Variants in NCOA2 observed in about 807,000 individuals in gnomAD.
NCOA2 encodes nuclear receptor coactivator 2, also known as class E basic helix-loop-helix protein 75.
In NCOA2, 21 loss-of-function variants were observed where a neutral mutation model predicts 145.1. The observed-to-expected ratio is 0.14, with a 90% CI of 0.10 to 0.21. The LOEUF (loss-of-function observed/expected upper bound fraction) is 0.21. Ranked by LOEUF, NCOA2 falls within the 10% of genes least tolerant of loss-of-function variation. NCOA2 has a pLI of 1.00. For synonymous variants in NCOA2, 619 were observed against 637.5 expected (o/e 0.97, Z 0.44); for missense variants, 1,472 against 1,837.6 (o/e 0.80, Z 3.64).
chr8:70,119,593 A>G (rs1293176815), intron 22 of NCOA2, among the ~76,000 whole-genome samples: 2 of 152,196 alleles, frequency 1.3e-5, no homozygotes, highest in Admixed American at 1.3e-4. Flanking sequence ...TGACTCCTGG[A>G]TCAAATGATA....
At chr8:70,251,499 T>G (rs1290289692) in intron 2 of NCOA2, among the ~76,000 whole-genome samples, 2 of 152,246 alleles carry the variant, frequency 1.3e-5, no homozygotes, top group Non-Finnish European at 2.9e-5. Context: ...TAGCACACTG[T>G]AAACCACTCT....
At chr8:70,357,264 C>T (rs1809786342) in intron 1 of NCOA2, 1 of 151,816 alleles carries the variant, frequency 6.6e-6, no homozygotes, top group Non-Finnish European at 1.5e-5. Context: ...TTCCATTTAC[C>T]ATAGCATCCA....
At chr8:70,128,099 C>T (rs991954013) in intron 18 of NCOA2, among the ~76,000 whole-genome samples, 1 of 152,198 alleles carries the variant, frequency 6.6e-6, no homozygotes, top group African/African-American at 2.4e-5. Context: ...TATGTGTTGA[C>T]TGGATGATGA....
At chr8:70,349,293 T>G (rs961411718) in intron 1 of NCOA2, among the ~76,000 whole-genome samples, 4 of 152,076 alleles carry the variant, frequency 2.6e-5, no homozygotes, top group African/African-American at 9.7e-5. Context: ...AAAAAAATTA[T>G]GAACAACTTT....
intron 2 of NCOA2, among the ~76,000 whole-genome samples, chr8:70,275,192 T>C (rs1586335395): frequency 6.6e-6 from 1 of 152,324 alleles, no homozygotes; most frequent in East Asian, 1.9e-4. Context: ...TTTATTTCTC[T>C]CATTTAGAGT....
In NCOA2 at chr8:70,213,924, T is replaced by C. The variant is rs1480288009; in HGVS notation, c.238A>G (p.Ile80Val). ...CAILKETVKQ[I>V]RQIKEQEKAA... ...TTACCTTGTTCTTTGATCTGACGAA[T>C]TTGCTTCACAGTTTCTTTTAAGATT... Residue 80 changes from isoleucine to valine, a missense_variant, in exon 4 of 23, where the codon ATT becomes GTT. Physicochemically the swap from Ile to Val is conservative, Grantham distance 29. Coordinates refer to ENST00000452400, the MANE Select transcript of NCOA2 (RefSeq NM_006540.4). The C allele has an allele frequency of 6.2e-7, 1 of 1,601,518 alleles. No homozygotes were observed. The highest frequency in any genetic ancestry group is 8.5e-7 in the Non-Finnish European group (1 of 1,173,920).
intron 2 of NCOA2, among the ~76,000 whole-genome samples, chr8:70,249,282 T>C (rs957771420): frequency 3.3e-5 from 5 of 152,180 alleles, no homozygotes; most frequent in African/African-American, 4.8e-5. Context: ...TTCTATATGA[T>C]ACACGGTCAA....
chr8:70,179,019 T>A (rs1274353884), intron 4 of NCOA2, among the ~76,000 whole-genome samples: 1 of 152,222 alleles, frequency 6.6e-6, no homozygotes, highest in African/African-American at 2.4e-5. Context: ...TATAGGTTAA[T>A]TGCAAGAGAA....
chr8:70,241,116 AAGG>A lies in NCOA2; in HGVS notation c.-19-24355_-19-24353del, dbSNP rs1822089588. Among the ~76,000 whole-genome samples, 3 of 152,268 alleles carry A rather than the reference AAGG, an allele frequency of 2.0e-5. No individual in the cohort carries two copies. In the South Asian group the frequency reaches 6.2e-4, roughly 32 times the overall value. The stretch of plus-strand genomic sequence containing the variant: ...TATGGAATCCCTGGTATCTGTAAAC[AAGG>A]ATCTTTATTTGGATTCTCTGTGGTT... On this transcript the variant is annotated intron_variant, in intron 2 of 22. Coordinates refer to ENST00000452400, the MANE Select transcript of NCOA2 (RefSeq NM_006540.4).
intron 5 of NCOA2, 52 bp downstream of exon 5, chr8:70,174,704 T>G: frequency 6.9e-7 from 1 of 1,443,708 alleles, no homozygotes; most frequent in Non-Finnish European, 9.7e-7. Flanking sequence ...AATGTAATAA[T>G]GTGAAGATCA....
Position 70,398,949 on chromosome 8 carries a change from CTT to C in NCOA2, c.-77+4749_-77+4750del, listed in dbSNP as rs1438633585. ...AGGATCTACCTACAGACCACCTAGTCTTTTAATTTCAGTTGCCTTCATAGTTT... is the reference window on the plus strand; with the variant it reads ...AGGATCTACCTACAGACCACCTAGTCTTAATTTCAGTTGCCTTCATAGTTT... On this transcript the variant is annotated intron_variant, in intron 1 of 22. Transcript: ENST00000452400. 2.6e-5 allele frequency among the ~76,000 whole-genome samples: 4 copies of C among 152,312 alleles called. No homozygotes were observed. The South Asian group carries it at 8.3e-4, about 32-fold the overall frequency.
In NCOA2 at chr8:70,214,140, T is replaced by G. The variant is rs895020266; in HGVS notation, c.87-65A>C. 3.4e-6 allele frequency: 5 copies of G among 1,467,254 alleles called. No individual in the cohort carries two copies. In the Admixed American group the frequency reaches 8.8e-5, roughly 26 times the overall value. 90.9% of individuals were successfully genotyped at this position (1,467,254 alleles called of 1,614,324 possible). A position where few individuals can be genotyped will look rare whatever the true frequency, so the allele number is the denominator to read the frequency against. On this transcript the variant is annotated intron_variant, in intron 3 of 22. Transcript: ENST00000452400. ...AGAGCTATTGTGAAAAAAATGAACG[T>G]GTTAAACAAGTTTAATACAAAGATA...
At chr8:70,296,061 CG>C (rs1380721725) in intron 2 of NCOA2, among the ~76,000 whole-genome samples, 1 of 152,158 alleles carries the variant, frequency 6.6e-6, no homozygotes, top group Non-Finnish European at 1.5e-5. Context: ...CTTTAACAAA[CG>C]TTTATTTAGT....
At chr8:70,197,149 C>T (rs1201887578) in intron 4 of NCOA2, among the ~76,000 whole-genome samples, 1 of 152,150 alleles carries the variant, frequency 6.6e-6, no homozygotes, top group Non-Finnish European at 1.5e-5. Flanking sequence ...AATTTTGATT[C>T]TTAGTATTAG....
rs770027070 is a variant in NCOA2 at position 70,138,234 on chromosome 8, T to C, written c.3127A>G (p.Ile1043Val). ...TGGCTGGCAAAAGACGCCTGGTCTATAGGCAGGATGCTTTCAGGCCATGGG... is the reference window on the plus strand; with the variant it reads ...TGGCTGGCAAAAGACGCCTGGTCTACAGGCAGGATGCTTTCAGGCCATGGG... Reference protein sequence around the residue: ...TAPWPESILPIDQASFASQNR... With the variant: ...TAPWPESILPVDQASFASQNR... The change falls in exon 15 of 23, where the codon ATA becomes GTA. Residue 1043 changes from isoleucine (I) to valine (V), a missense_variant. Ile to Val is a conservative substitution (Grantham distance 29, BLOSUM62 3). Transcript: ENST00000452400. The C allele has an allele frequency of 3.7e-6, 6 of 1,613,746 alleles. No individual in the cohort carries two copies. The highest frequency in any genetic ancestry group is 2.7e-5 in the African/African-American group (2 of 74,918).
intron 1 of NCOA2, among the ~76,000 whole-genome samples, chr8:70,389,752 T>G (rs1397964970): frequency 1.3e-5 from 2 of 152,028 alleles, no homozygotes; most frequent in African/African-American, 4.8e-5. Flanking sequence ...CACTGCAACC[T>G]CTGCCTCCCA....
At position 70,156,371 on chromosome 8, in the gene NCOA2, T is replaced by C. The variant is rs759373205; in HGVS notation, c.1994A>G (p.Asn665Ser). ...AGGCAAGCTACCTGTGGAGTCTTTG[T>C]TTGTATCCGACAAAGAGCTGGCTAA... ...SPLASSLSDT[N>S]KDSTGSLPGS... The change falls in exon 11 of 23, where the codon AAC becomes AGC. Residue 665 changes from asparagine to serine, a missense_variant. Coordinates refer to ENST00000452400, the MANE Select transcript of NCOA2 (RefSeq NM_006540.4). 1.9e-6 allele frequency: 3 copies of C among 1,613,842 alleles called. No homozygotes were observed. The Admixed American group carries it at 5.0e-5, about 27-fold the overall frequency.
intron 1 of NCOA2, among the ~76,000 whole-genome samples, chr8:70,379,827 A>G (rs1812031733): frequency 7.9e-6 from 1 of 125,988 alleles, no homozygotes. Context: ...TTCTGATTCT[A>G]TCGTTTCTGT....
Position 70,162,860 on chromosome 8 carries a change from A to G in NCOA2, c.833-6T>C, listed in dbSNP as rs1045084178. 6.2e-7 allele frequency: 1 copy of G among 1,609,830 alleles called. No homozygotes were observed. Among genetic ancestry groups the G allele is most frequent in the African/African-American group, 1.3e-5 (1 of 74,650 alleles). On this transcript the variant is annotated splice_region_variant and splice_polypyrimidine_tract_variant and intron_variant, in intron 8 of 22. Coordinates refer to ENST00000452400, the MANE Select transcript of NCOA2 (RefSeq NM_006540.4). Reference sequence around the variant, plus strand: ...ATCCAGAGACGTGATCTTGCCTATTAAGTAACAGCAGGCATTATACCTACA... The same window carrying G: ...ATCCAGAGACGTGATCTTGCCTATTGAGTAACAGCAGGCATTATACCTACA...
Sources: gnomAD v4.1 joint callset for allele counts (sites outside exome capture counted in the v4.1 genomes callset) on GRCh38, gnomAD v4.1.1 for gene constraint, MANE v1.5 for transcripts, NCBI Gene and HGNC (gene_info 2026-07-23, HGNC 2026-07-21) for gene names.